LRMDA: variants seen among roughly 807,000 people sequenced by gnomAD.
LRMDA encodes leucine rich melanocyte differentiation associated.
In LRMDA, 18 loss-of-function variants were observed where a neutral mutation model predicts 29.8. That is an observed-to-expected ratio of 0.60 (90% CI 0.42 to 0.90). The LOEUF is 0.90. Among genes scored for constraint, LRMDA ranks in the 40% least tolerant of loss-of-function variants. The probability of loss-of-function intolerance (pLI) is 0.00; values close to 1 mark genes in which losing one functional copy is unlikely to be tolerated. For synonymous variants in LRMDA, 125 were observed against 109.4 expected, an observed-to-expected ratio of 1.14 and a Z score of -0.89; for missense variants, 273 against 273.9, an observed-to-expected ratio of 1.00 and a Z score of 0.02.
At position 75,662,584 on chromosome 10, in the gene LRMDA, G is replaced by A. The variant is rs759775049; in HGVS notation, c.131+224090G>A. 3.8e-4 allele frequency among the ~76,000 whole-genome samples: 58 copies of A among 152,076 alleles called. 1 individual carries two copies. Among genetic ancestry groups the A allele is most frequent in the Non-Finnish European group, 6.6e-4 (45 of 68,018 alleles). ...ATGCAAAAAGAATATGTGGTTTTCCGGCTTTGTTATTTACATTAAAAATTA... is the reference window on the plus strand; with the variant it reads ...ATGCAAAAAGAATATGTGGTTTTCCAGCTTTGTTATTTACATTAAAAATTA... On this transcript the variant is annotated intron_variant, in intron 2 of 6. Coordinates refer to ENST00000611255, the MANE Select transcript of LRMDA (RefSeq NM_001305581.2).
chr10:76,076,506 C>T (rs191200174), intron 5 of LRMDA, among the ~76,000 whole-genome samples: 2 of 152,066 alleles, frequency 1.3e-5, no homozygotes, highest in African/African-American at 4.8e-5. Flanking sequence ...TTGTCACGCA[C>T]GTGATCTCAT....
Position 75,578,613 on chromosome 10 carries a change from A to C in LRMDA, c.131+140119A>C, listed in dbSNP as rs537292802. Among the ~76,000 whole-genome samples the C allele has an allele frequency of 3.3e-5, 5 of 152,330 alleles. No individual in the cohort carries two copies. The East Asian group carries it at 9.6e-4, about 29-fold the overall frequency. On this transcript the variant is annotated intron_variant, in intron 2 of 6. Coordinates refer to ENST00000611255, the MANE Select transcript of LRMDA (RefSeq NM_001305581.2). ...GAATATACATTCTTCTCAGCACCAC[A>C]TCACACTTATTCTTAAATTACCACA...
intron 2 of LRMDA, among the ~76,000 whole-genome samples, chr10:76,003,291 T>G (rs1847592084): frequency 6.6e-6 from 1 of 152,048 alleles, no homozygotes; most frequent in Non-Finnish European, 1.5e-5. Context: ...TCCACTTGAG[T>G]CAGCCTGCAG....
chr10:76,165,367 G>A (rs1385753389), intron 5 of LRMDA, among the ~76,000 whole-genome samples: 1 of 152,068 alleles, frequency 6.6e-6, no homozygotes, highest in Non-Finnish European at 1.5e-5. Flanking sequence ...CTGCCTTTGG[G>A]TTCAAGCAAT....
At chr10:76,371,672 AAGTGGGCTG>A (rs1400006294) in intron 6 of LRMDA, among the ~76,000 whole-genome samples, 1 of 152,058 alleles carries the variant, frequency 6.6e-6, no homozygotes, top group East Asian at 1.9e-4. Flanking sequence ...ACAGGGGGAG[AAGTGGGCTG>A]AGTAACTTCT....
At chr10:75,794,087 C>G (rs865976002) in intron 2 of LRMDA, among the ~76,000 whole-genome samples, 2 of 152,208 alleles carry the variant, frequency 1.3e-5, no homozygotes, top group African/African-American at 2.4e-5. Context: ...ACTTAAGGCA[C>G]TATGGTTTGG....
intron 2 of LRMDA, among the ~76,000 whole-genome samples, chr10:75,941,600 G>A (rs1846393336): frequency 6.6e-6 from 1 of 152,028 alleles, no homozygotes; most frequent in Admixed American, 6.5e-5. Flanking sequence ...TAACCTCGTG[G>A]GCAGATCTGC....
intron 6 of LRMDA, among the ~76,000 whole-genome samples, chr10:76,507,844 A>G (rs190604616): frequency 6.6e-6 from 1 of 151,918 alleles, no homozygotes; most frequent in African/African-American, 2.4e-5. Flanking sequence ...ATTTTTTTCC[A>G]TTGGTCTATG....
intron 6 of LRMDA, among the ~76,000 whole-genome samples, chr10:76,378,824 G>T (rs1841552392): frequency 1.4e-5 from 2 of 145,042 alleles, no homozygotes; most frequent in Admixed American, 6.9e-5. Flanking sequence ...GAGTATTGGT[G>T]TGTCTTTTCT....
chr10:76,246,012 CA>C (rs1490411425), intron 5 of LRMDA, among the ~76,000 whole-genome samples: 3 of 152,160 alleles, frequency 2.0e-5, no homozygotes, highest in Admixed American at 6.5e-5. Context: ...AAAGACTCTA[CA>C]ATTGTTTTCT....
intron 2 of LRMDA, among the ~76,000 whole-genome samples, chr10:75,644,273 A>G (rs1841488643): frequency 6.6e-6 from 1 of 152,152 alleles, no homozygotes; most frequent in Admixed American, 6.5e-5. Context: ...AAGGAGGATG[A>G]CTGTGGGGCA....
chr10:76,411,198 C>A (rs771383416), intron 6 of LRMDA, among the ~76,000 whole-genome samples: 2 of 152,150 alleles, frequency 1.3e-5, no homozygotes, highest in East Asian at 1.9e-4. Context: ...AACTTGTCAG[C>A]GTCACTTGCA....
intron 5 of LRMDA, among the ~76,000 whole-genome samples, chr10:76,178,294 A>T (rs988063632): frequency 6.6e-6 from 1 of 152,072 alleles, no homozygotes; most frequent in Non-Finnish European, 1.5e-5. Context: ...CATGATGAGG[A>T]CTACCTGGCC....
rs1484469710 is a variant in LRMDA at position 76,460,341 on chromosome 10, C to A, written c.602-96868C>A. On this transcript the variant is annotated intron_variant, in intron 6 of 6. Coordinates refer to ENST00000611255, the MANE Select transcript of LRMDA (RefSeq NM_001305581.2). ...CATTTCTAAGTCAGCAGGTAGAGGG[C>A]TCTAAAAATTTGTATTTCTAGAAGT... Among the ~76,000 whole-genome samples, 5 of 152,232 alleles carry A rather than the reference C, an allele frequency of 3.3e-5. No individual in the cohort carries two copies. The East Asian group carries it at 9.6e-4, about 29-fold the overall frequency.
intron 2 of LRMDA, among the ~76,000 whole-genome samples, chr10:75,960,520 A>T (rs1439114814): frequency 6.6e-6 from 1 of 152,266 alleles, no homozygotes; most frequent in Non-Finnish European, 1.5e-5. Flanking sequence ...AAAACTTTAT[A>T]TGCAGAATTT....
chr10:75,844,239 G>C (rs1217023473), intron 2 of LRMDA, among the ~76,000 whole-genome samples: 1 of 152,150 alleles, frequency 6.6e-6, no homozygotes, highest in Non-Finnish European at 1.5e-5. Flanking sequence ...CAGAGCAATG[G>C]CCTATGGTAT....
intron 5 of LRMDA, among the ~76,000 whole-genome samples, chr10:76,289,304 T>C (rs1041599405): frequency 6.6e-6 from 1 of 152,120 alleles, no homozygotes; most frequent in African/African-American, 2.4e-5. Context: ...GACAGAAAAA[T>C]AGACAGTCTC....
chr10:75,883,303 C>T (rs1845325180), intron 2 of LRMDA: 1 of 152,470 alleles, frequency 6.6e-6, no homozygotes, highest in East Asian at 1.9e-4. Flanking sequence ...TGGGAATTTT[C>T]CTCACTGTGA....
chr10:75,565,196 C>A (rs1362229474), intron 2 of LRMDA, among the ~76,000 whole-genome samples: 1 of 152,300 alleles, frequency 6.6e-6, no homozygotes, highest in Non-Finnish European at 1.5e-5. Flanking sequence ...ATGACCTTGG[C>A]AGGTCGGAGG....
Sources: allele counts gnomAD v4.1 joint callset (sites outside exome capture counted in the v4.1 genomes callset), GRCh38; gene constraint gnomAD v4.1.1; transcripts MANE v1.5; gene names NCBI Gene and HGNC (gene_info 2026-07-23, HGNC 2026-07-21).